GOLGA4: variants seen among roughly 807,000 people sequenced by gnomAD.
GOLGA4 encodes the protein golgin A4.
In GOLGA4, 169 loss-of-function variants were observed where a neutral mutation model predicts 265.9. That is an observed-to-expected ratio of 0.64 (90% CI 0.56 to 0.72). GOLGA4 has a LOEUF of 0.72. Among genes scored for constraint, GOLGA4 ranks in the 30% least tolerant of loss-of-function variants. The pLI, the probability that GOLGA4 is intolerant of heterozygous loss-of-function variation, is 0.00. For synonymous variants in GOLGA4, 923 were observed against 855.8 expected, an observed-to-expected ratio of 1.08 and a Z score of -1.37; for missense variants, 2,482 against 2,483.4, an observed-to-expected ratio of 1.00 and a Z score of 0.01.
rs762921278 is a variant in GOLGA4 at position 37,326,053 on chromosome 3, A to G, written c.4167A>G (p.Leu1389=). The G allele has an allele frequency of 9.3e-6, 15 of 1,613,296 alleles. No homozygotes were observed. In the Admixed American group the frequency reaches 1.3e-4, roughly 14 times the overall value. ...LNVQLQNSIS[L]SEKEAAISSL... ...TTCAGCTTCAAAATAGCATCAGCCT[A>G]TCCGAAAAAGAAGCAGCCATTTCAT... The change falls in exon 14 of 24, where the codon CTA becomes CTG. Residue 1389 remains leucine (L), a synonymous_variant. Transcript: ENST00000361924.
chr3:37,288,539 C>T lies in GOLGA4; in HGVS notation c.526-696C>T, dbSNP rs576234654. On this transcript the variant is annotated intron_variant, in intron 4 of 23. Transcript: ENST00000361924. ...TCGCCCAGGCTGGAGTGCAGTGGTG[C>T]GATCTCGGCTCACTGCAAGCTCTGC... is the stretch of plus-strand genomic sequence containing the variant. 1.8e-4 allele frequency among the ~76,000 whole-genome samples: 27 copies of T among 150,268 alleles called. No individual in the cohort carries two copies. In the East Asian group the frequency reaches 4.7e-3, roughly 26 times the overall value.
intron 1 of GOLGA4, among the ~76,000 whole-genome samples, chr3:37,246,250 T>C (rs55793730): frequency 1.0e-3 from 152 of 149,386 alleles, no homozygotes; most frequent in African/African-American, 3.2e-3. Context: ...GAGGTTGCAA[T>C]GAACTGAGAT....
intron 2 of GOLGA4, 99 bp from the exon 3 acceptor site, chr3:37,281,859 A>C (rs1173328821): frequency 2.4e-6 from 2 of 837,222 alleles, no homozygotes; most frequent in Non-Finnish European, 3.9e-6. Flanking sequence ...TATAAATTCA[A>C]CTTGTTAGAA....
chr3:37,303,822 T>C (rs908958882), intron 10 of GOLGA4, among the ~76,000 whole-genome samples: 1 of 152,240 alleles, frequency 6.6e-6, no homozygotes, highest in African/African-American at 2.4e-5. Flanking sequence ...TTAATACTAC[T>C]GCTAGCCATT....
chr3:37,320,791 C>T (rs927051567), intron 12 of GOLGA4, among the ~76,000 whole-genome samples: 1 of 152,168 alleles, frequency 6.6e-6, no homozygotes, highest in African/African-American at 2.4e-5. Context: ...GCGTGGGTAC[C>T]TGTGCCTGCC....
rs112398135 is a variant in GOLGA4 at position 37,306,143 on chromosome 3, A to G, written c.1234+3811A>G. On this transcript the variant is annotated intron_variant, in intron 10 of 23. Transcript: ENST00000361924. ...TGTACCGATTTCAGGATGGTGTATC[A>G]ACCTGCAGTTCTTAAATAGTCTCCT... Among the ~76,000 whole-genome samples, 486 of 152,328 alleles carry G rather than the reference A, an allele frequency of 3.2e-3. 3 individuals are homozygous for G. Among genetic ancestry groups the G allele is most frequent in the African/African-American group, 0.011 (453 of 41,568 alleles).
Position 37,315,545 on chromosome 3 carries a change from A to G in GOLGA4, c.1360A>G (p.Ser454Gly). 2 of 1,614,010 alleles carry G rather than the reference A, an allele frequency of 1.2e-6. No homozygotes were observed. The highest frequency in any genetic ancestry group is 1.3e-5 in the African/African-American group (1 of 75,074). Residue 454 changes from serine (S) to glycine (G), a missense_variant, in exon 11 of 24, where the codon AGT (serine) becomes GGT (glycine). By Grantham distance (56) the Ser-to-Gly change is moderately conservative. Coordinates refer to ENST00000361924, the MANE Select transcript of GOLGA4 (RefSeq NM_002078.5). ...IEKTSEEERI[S>G]LQQELSRVKQ... ...AAAAACAAGTGAGGAGGAACGCATC[A>G]GTCTTCAACAGGAATTAAGTCGGGT... is the stretch of plus-strand genomic sequence containing the variant.
chr3:37,366,433 A>T lies in GOLGA4; in HGVS notation c.*387A>T, dbSNP rs1696753980. The T allele has an allele frequency of 3.9e-6, 1 of 254,106 alleles. No homozygotes were observed. Among genetic ancestry groups the T allele is most frequent in the South Asian group, 1.7e-4 (1 of 5,842 alleles). 15.7% of individuals were successfully genotyped at this position (254,106 alleles called of 1,614,324 possible). ...CTATTTATTTTTAGGGTGATTTTTTAAAAAGACTTGTGCAATACATTTTGA... is the reference window on the plus strand; with the variant it reads ...CTATTTATTTTTAGGGTGATTTTTTTAAAAGACTTGTGCAATACATTTTGA... On this transcript the variant is annotated 3_prime_UTR_variant, in exon 24 of 24. Coordinates refer to ENST00000361924, the MANE Select transcript of GOLGA4 (RefSeq NM_002078.5).
chr3:37,275,642 G>T (rs112836584), intron 2 of GOLGA4: 36,246 of 1,602,248 alleles, frequency 0.023, 447 homozygotes, highest in Non-Finnish European at 0.027. Flanking sequence ...CTCCAGCTTC[G>T]CCCACTTCCC....
At chr3:37,359,543 G>T (rs1382341189) in intron 22 of GOLGA4, among the ~76,000 whole-genome samples, 1 of 151,994 alleles carries the variant, frequency 6.6e-6, no homozygotes, top group South Asian at 2.1e-4. Context: ...GATGGAGAAG[G>T]TTGGCTTGTT....
Position 37,327,558 on chromosome 3 carries a change from A to G in GOLGA4, c.5672A>G (p.Asp1891Gly), listed in dbSNP as rs143010067. The G allele has an allele frequency of 6.2e-7, 1 of 1,613,886 alleles. No individual in the cohort carries two copies. The highest frequency in any genetic ancestry group is 8.5e-7 in the Non-Finnish European group (1 of 1,179,822). ...AAATTACAGGCTTTACAACAGATGG[A>G]TGGAAGAAATAAACCCACAGAACTT... ...YEKLQALQQM[D>G]GRNKPTELLE... Residue 1891 changes from aspartate to glycine, a missense_variant, in exon 14 of 24, where the codon GAT becomes GGT. Coordinates refer to ENST00000361924, the MANE Select transcript of GOLGA4 (RefSeq NM_002078.5).
rs142529796 is a variant in GOLGA4, at chr3:37,274,072, C to T, written c.163-7886C>T. ...CTGAGTTTGTGCCACTGCACTCCAG[C>T]CTGAGCAACAGAGTGAGGCTCTGTC... On this transcript the variant is annotated intron_variant, in intron 2 of 23. Transcript: ENST00000361924. Among the ~76,000 whole-genome samples, 1,051 of 146,278 alleles carry T rather than the reference C, an allele frequency of 7.2e-3. 15 individuals carry two copies. Among genetic ancestry groups the T allele is most frequent in the African/African-American group, 0.025 (987 of 39,684 alleles).
rs1469222982 is a variant in GOLGA4, at chr3:37,355,226, C to T, written c.6663+39C>T. 5.8e-6 allele frequency: 6 copies of T among 1,028,716 alleles called. No individual in the cohort carries two copies. The South Asian group carries it at 7.6e-5, about 13-fold the overall frequency. 63.7% of individuals were successfully genotyped at this position (1,028,716 alleles called of 1,614,324 possible). A position where few individuals can be genotyped will look rare whatever the true frequency, so the allele number is the denominator to read the frequency against. ...GTGGGCTCTAGATAGAAGATGATTT[C>T]CCATCTGTTTATATTCTGTCTCATT... On this transcript the variant is annotated intron_variant, in intron 22 of 23. Transcript: ENST00000361924.
chr3:37,244,915 G>T (rs140895038), intron 1 of GOLGA4, among the ~76,000 whole-genome samples: 240 of 152,314 alleles, frequency 1.6e-3, no homozygotes, highest in African/African-American at 5.3e-3. Context: ...TTAAAAGTGA[G>T]GTAGAGATGA....
intron 2 of GOLGA4, among the ~76,000 whole-genome samples, chr3:37,270,735 C>A (rs2096796430): frequency 1.3e-5 from 2 of 152,086 alleles, no homozygotes; most frequent in African/African-American, 4.8e-5. Flanking sequence ...TTGTCCCCAA[C>A]CTTTTTGGGA....
At chr3:37,323,534 T>G in intron 13 of GOLGA4, 54 bp from the exon 14 acceptor site, 2 of 1,036,448 alleles carry the variant, frequency 1.9e-6, no homozygotes, top group South Asian at 3.3e-5. Context: ...TGTGTATCAT[T>G]GTTAGTAGAC....
chr3:37,254,015 C>CA (rs57893128), intron 2 of GOLGA4, among the ~76,000 whole-genome samples: 132 of 126,482 alleles, frequency 1.0e-3, no homozygotes, highest in Middle Eastern at 4.4e-3. Context: ...GACACAGTCT[C>CA]AAAAAAAAAA....
chr3:37,335,018 C>G, intron 16 of GOLGA4, 35 bp from the exon 17 acceptor site: 1 of 1,239,930 alleles, frequency 8.1e-7, no homozygotes, highest in Admixed American at 2.5e-5. Context: ...TCTTTTTTTT[C>G]TTTTCCTTTT....
intron 2 of GOLGA4, chr3:37,275,712 G>C: frequency 1.2e-6 from 2 of 1,612,244 alleles, no homozygotes; most frequent in Non-Finnish European, 1.7e-6. Context: ...GAAGTGGTCC[G>C]CTTTGCCAAG....
Sources: allele counts gnomAD v4.1 joint callset (sites outside exome capture counted in the v4.1 genomes callset), GRCh38; gene constraint gnomAD v4.1.1; transcripts MANE v1.5; gene names NCBI Gene and HGNC (gene_info 2026-07-23, HGNC 2026-07-21).